Variants in UBE2E1 observed in about 807,000 individuals in gnomAD.
The protein encoded by UBE2E1 is ubiquitin conjugating enzyme E2 E1, also known as ubiquitin-conjugating enzyme E2 E1.
A neutral mutation model predicts 21.4 loss-of-function variants in UBE2E1; 6 were observed. The ratio of observed to expected loss-of-function variants is 0.28; its 90% CI spans 0.15 to 0.55. The LOEUF (loss-of-function observed/expected upper bound fraction) is 0.55, where lower values mean the gene tolerates loss of function less well. Ranked by LOEUF, UBE2E1 falls within the 20% of genes least tolerant of loss-of-function variation. UBE2E1 has a pLI of 0.93. For synonymous variants in UBE2E1, 87 were observed against 82.7 expected (o/e 1.05, Z -0.28); for missense variants, 142 against 236.5 (o/e 0.60, Z 2.62).
intron 3 of UBE2E1, among the ~76,000 whole-genome samples, chr3:23,880,332 A>T (rs1208673958): frequency 1.5e-5 from 2 of 130,742 alleles, no homozygotes; most frequent in African/African-American, 5.1e-5. Context: ...GCAGTGAGCC[A>T]AGATGGCACC....
In UBE2E1 at chr3:23,823,652, G is replaced by T. The variant is rs1477013013; in HGVS notation, c.203+12142G>T. ...AGATTGTTGACTTTGCAGAGAAAAA[G>T]ACCCTAAAAGAAAACATTTGTTTTA... On this transcript the variant is annotated intron_variant, in intron 3 of 5. Coordinates refer to ENST00000306627, the MANE Select transcript of UBE2E1 (RefSeq NM_003341.5). This position sits in a 1 kb window ranked among gnomAD's most constrained non-coding sequence, Gnocchi z 4.2. Among the ~76,000 whole-genome samples, 1 of 152,156 alleles carries T rather than the reference G, an allele frequency of 6.6e-6. No individual in the cohort carries two copies. Among genetic ancestry groups the T allele is most frequent in the Non-Finnish European group, 1.5e-5 (1 of 68,008 alleles).
chr3:23,813,503 G>A (rs991740251), intron 3 of UBE2E1, among the ~76,000 whole-genome samples: 7 of 152,032 alleles, frequency 4.6e-5, no homozygotes, highest in African/African-American at 1.7e-4. Flanking sequence ...GTATTTTAAT[G>A]TACTTTATTG....
At chr3:23,873,470 G>C (rs1700847443) in intron 3 of UBE2E1, among the ~76,000 whole-genome samples, 1 of 152,200 alleles carries the variant, frequency 6.6e-6, no homozygotes, top group South Asian at 2.1e-4. Flanking sequence ...TAGGCAGTCG[G>C]GCGCGGTGGC....
At position 23,823,200 on chromosome 3, in the gene UBE2E1, T is replaced by G. The variant is rs753007156; in HGVS notation, c.203+11690T>G. Among the ~76,000 whole-genome samples the G allele has an allele frequency of 1.3e-4, 20 of 152,220 alleles. No homozygotes were observed. The highest frequency in any genetic ancestry group is 2.9e-4 in the Non-Finnish European group (20 of 68,034). ...TGTTAATGCTTTACATTGGATATAC[T>G]TAGAACTCTTAAAGCAATCATATAA... On this transcript the variant is annotated intron_variant, in intron 3 of 5. Transcript: ENST00000306627. The surrounding 1 kb of genome is among the most constrained non-coding windows in gnomAD (Gnocchi z 4.2).
At chr3:23,888,406 T>A (rs896984721) in intron 4 of UBE2E1, 7 of 354,322 alleles carry the variant, frequency 2.0e-5, no homozygotes, top group Middle Eastern at 3.8e-4. Context: ...GTCACTTTTT[T>A]AAAAAATTGG....
rs1241524520 is a variant in UBE2E1 at position 23,807,559 on chromosome 3, A to G, written c.152+138A>G. 24 of 1,098,386 alleles carry G rather than the reference A, an allele frequency of 2.2e-5. No individual in the cohort carries two copies. In the East Asian group the frequency reaches 6.2e-4, roughly 28 times the overall value. The allele number at this position is 1,098,386 out of a possible 1,614,324, so 68.0% of individuals were successfully genotyped here. Reference sequence around the variant, plus strand: ...CTTAAAAATGAAAGAAGGGCCTTGGAAGCCCTAATTATTTTCTCTATTGCT... The same window carrying G: ...CTTAAAAATGAAAGAAGGGCCTTGGGAGCCCTAATTATTTTCTCTATTGCT... On this transcript the variant is annotated intron_variant, in intron 2 of 5. Coordinates refer to ENST00000306627, the MANE Select transcript of UBE2E1 (RefSeq NM_003341.5).
intron 3 of UBE2E1, among the ~76,000 whole-genome samples, chr3:23,885,874 A>C (rs1196041169): frequency 6.6e-6 from 1 of 151,578 alleles, no homozygotes; most frequent in Non-Finnish European, 1.5e-5. Context: ...AAACAAACAA[A>C]AAAAACAAAA....
chr3:23,859,999 G>C (rs1187144422), intron 3 of UBE2E1, among the ~76,000 whole-genome samples: 1 of 152,180 alleles, frequency 6.6e-6, no homozygotes, highest in East Asian at 1.9e-4. Context: ...TTTTGAAGAA[G>C]CAGTTCAGAA....
At chr3:23,878,068 TGAG>T (rs1210225402) in intron 3 of UBE2E1, among the ~76,000 whole-genome samples, 1 of 152,180 alleles carries the variant, frequency 6.6e-6, no homozygotes, top group East Asian at 1.9e-4. Context: ...TTCACTAACT[TGAG>T]GTCAAATGTC....
At chr3:23,833,588 A>G (rs1699913012) in intron 3 of UBE2E1, among the ~76,000 whole-genome samples, 1 of 152,244 alleles carries the variant, frequency 6.6e-6, no homozygotes, top group Non-Finnish European at 1.5e-5. Context: ...GTCGGAAAGC[A>G]ATGGTAATGT....
In UBE2E1 at chr3:23,842,869, C is replaced by A. The variant is rs1229363084; in HGVS notation, c.203+31359C>A. Among the ~76,000 whole-genome samples, 1 of 152,072 alleles carries A rather than the reference C, an allele frequency of 6.6e-6. No homozygotes were observed. The highest frequency in any genetic ancestry group is 6.5e-5 in the Admixed American group (1 of 15,274). On this transcript the variant is annotated intron_variant, in intron 3 of 5. Transcript: ENST00000306627. This position sits in a 1 kb window ranked among gnomAD's most constrained non-coding sequence, Gnocchi z 4.6. ...ATCAAATTTTCCATATCTCTGTAAT[C>A]TAACTATAACCTCTGAGGGCAAGGG...
intron 3 of UBE2E1, among the ~76,000 whole-genome samples, chr3:23,857,001 T>TAAAA (rs34840201): frequency 1.5e-5 from 2 of 129,826 alleles, no homozygotes; most frequent in Non-Finnish European, 3.2e-5. Context: ...GGCTGTCTCT[T>TAAAA]AAAAAAAAAA....
rs577269864 is a variant in UBE2E1, at chr3:23,848,601, G to T, written c.203+37091G>T. ...TTGGAGGAAGATAATCACAATTTTA[G>T]AAAAAAAAATACAATATACTTAAAT... On this transcript the variant is annotated intron_variant, in intron 3 of 5. Transcript: ENST00000306627. 6.6e-5 allele frequency among the ~76,000 whole-genome samples: 10 copies of T among 150,972 alleles called. No individual in the cohort carries two copies. The East Asian group carries it at 1.9e-3, about 29-fold the overall frequency.
chr3:23,839,436 C>A (rs1223395504), intron 3 of UBE2E1, among the ~76,000 whole-genome samples: 1 of 151,662 alleles, frequency 6.6e-6, no homozygotes, highest in Non-Finnish European at 1.5e-5. Context: ...TGTACTCCAG[C>A]CTTGGCAACA....
At chr3:23,818,748 G>A (rs925795735) in intron 3 of UBE2E1, among the ~76,000 whole-genome samples, 4 of 152,156 alleles carry the variant, frequency 2.6e-5, no homozygotes, top group African/African-American at 7.2e-5. Context: ...TTTGGGTGAT[G>A]TTAAAGTGCA....
intron 3 of UBE2E1, among the ~76,000 whole-genome samples, chr3:23,851,723 G>A (rs1160337578): frequency 1.3e-5 from 2 of 152,142 alleles, no homozygotes; most frequent in South Asian, 2.1e-4. Flanking sequence ...GATCAGTTGA[G>A]CCCAGGAGTT....
chr3:23,862,675 C>G (rs1022098954), intron 3 of UBE2E1, among the ~76,000 whole-genome samples: 2 of 152,144 alleles, frequency 1.3e-5, no homozygotes, highest in Admixed American at 1.3e-4. Context: ...AGAATTGTGT[C>G]ACATGGTTAT....
intron 3 of UBE2E1, among the ~76,000 whole-genome samples, chr3:23,820,000 A>G (rs1231848385): frequency 4.6e-5 from 7 of 152,246 alleles, no homozygotes; most frequent in South Asian, 2.1e-4. Context: ...TTATAAAGTT[A>G]CCTTATGTTA....
At chr3:23,872,837 T>C (rs1371143394) in intron 3 of UBE2E1, among the ~76,000 whole-genome samples, 1 of 152,096 alleles carries the variant, frequency 6.6e-6, no homozygotes, top group Non-Finnish European at 1.5e-5. Context: ...GCTAACATGG[T>C]GACACCCCGT....
Sources: allele counts gnomAD v4.1 joint callset (sites outside exome capture counted in the v4.1 genomes callset), GRCh38; gene constraint gnomAD v4.1.1; non-coding constraint Gnocchi (gnomAD v3.1); transcripts MANE v1.5; gene names NCBI Gene and HGNC (gene_info 2026-07-23, HGNC 2026-07-21).